The following ITFG1 variants were observed in gnomAD, a reference collection of about 807,000 sequenced individuals.
ITFG1 encodes the protein T-cell immunomodulatory protein.
In ITFG1, 34 loss-of-function variants were observed where a neutral mutation model predicts 81.8. That is an observed-to-expected ratio of 0.42 (90% CI 0.32 to 0.55). ITFG1 has a LOEUF of 0.55. Among genes scored for constraint, ITFG1 ranks in the 20% least tolerant of loss-of-function variants. ITFG1 has a pLI of 0.17. For missense variants in ITFG1, 672 were observed against 755.4 expected (o/e 0.89, Z 1.29); for synonymous variants, 285 against 270.6 (o/e 1.05, Z -0.52).
At chr16:47,197,987 T>A (rs1054278719) in intron 14 of ITFG1, among the ~76,000 whole-genome samples, 1 of 152,264 alleles carries the variant, frequency 6.6e-6, no homozygotes, top group Non-Finnish European at 1.5e-5. Context: ...CTCTGTAGTA[T>A]AATTTCTTTT....
chr16:47,400,486 ACAC>A (rs1433349877), intron 6 of ITFG1, among the ~76,000 whole-genome samples: 3 of 151,040 alleles, frequency 2.0e-5, no homozygotes, highest in Non-Finnish European at 3.0e-5. Flanking sequence ...ACACACACAC[ACAC>A]CACTAGACAC....
At chr16:47,244,591 T>TTGTGCG (rs1965975241) in intron 12 of ITFG1, among the ~76,000 whole-genome samples, 2 of 118,146 alleles carry the variant, frequency 1.7e-5, no homozygotes, top group African/African-American at 6.5e-5. Flanking sequence ...ATTCCATCTT[T>TTGTGCG]TGTGTGTGTG....
At chr16:47,438,019 C>T (rs1005547512) in intron 5 of ITFG1, among the ~76,000 whole-genome samples, 2 of 152,200 alleles carry the variant, frequency 1.3e-5, no homozygotes, top group African/African-American at 4.8e-5. Flanking sequence ...TAACAAACCG[C>T]ACACCAGGAG....
At chr16:47,208,304 C>T (rs911116737) in intron 14 of ITFG1, among the ~76,000 whole-genome samples, 1 of 152,060 alleles carries the variant, frequency 6.6e-6, no homozygotes, top group African/African-American at 2.4e-5. Context: ...GTGAGGATGA[C>T]AATAATGAAC....
chr16:47,455,400 A>C (rs567591313), intron 2 of ITFG1, among the ~76,000 whole-genome samples: 2 of 152,066 alleles, frequency 1.3e-5, no homozygotes, highest in African/African-American at 4.8e-5. Flanking sequence ...AAAAAAAAAA[A>C]CAAACCAACA....
chr16:47,257,450 A>T (rs1300526943), intron 12 of ITFG1, among the ~76,000 whole-genome samples: 2 of 152,198 alleles, frequency 1.3e-5, no homozygotes, highest in Non-Finnish European at 2.9e-5. Flanking sequence ...TATGACAAAC[A>T]TGGGGGTCAG....
At chr16:47,200,613 A>C (rs1358765111) in intron 14 of ITFG1, among the ~76,000 whole-genome samples, 5 of 152,228 alleles carry the variant, frequency 3.3e-5, no homozygotes, top group African/African-American at 1.2e-4. Flanking sequence ...ATTAAGCTTT[A>C]AACCAGAGAA....
chr16:47,454,747 C>T (rs894726084), intron 2 of ITFG1, among the ~76,000 whole-genome samples: 1 of 151,674 alleles, frequency 6.6e-6, no homozygotes, highest in Non-Finnish European at 1.5e-5. Context: ...TTTTCCTTTT[C>T]ATAGGTATTG....
Position 47,300,279 on chromosome 16 carries a change from T to C in ITFG1, c.1070+10961A>G, listed in dbSNP as rs576403911. On this transcript the variant is annotated intron_variant, in intron 10 of 17. Coordinates refer to ENST00000320640, the MANE Select transcript of ITFG1 (RefSeq NM_030790.5). ...CTGTTGACTTCCTCATGTTCCTTCT[T>C]GGAAAATCTATTCTAACTGTAATTG... 2.6e-5 allele frequency among the ~76,000 whole-genome samples: 4 copies of C among 152,358 alleles called. No individual in the cohort carries two copies. The South Asian group carries it at 8.3e-4, about 32-fold the overall frequency.
intron 13 of ITFG1, among the ~76,000 whole-genome samples, chr16:47,233,006 T>G (rs1164064238): frequency 1.3e-5 from 2 of 151,956 alleles, no homozygotes; most frequent in Non-Finnish European, 2.9e-5. Flanking sequence ...GTTAAAAAAA[T>G]CAAGATAAAG....
intron 8 of ITFG1, among the ~76,000 whole-genome samples, chr16:47,348,685 A>T (rs1967898994): frequency 6.6e-6 from 1 of 152,198 alleles, no homozygotes; most frequent in Non-Finnish European, 1.5e-5. Flanking sequence ...GCAGGCCAAC[A>T]TTCAAATTCA....
At position 47,155,712 on chromosome 16, in the gene ITFG1, A is replaced by C. The variant is rs764875987; in HGVS notation, c.*7T>G. On this transcript the variant is annotated 3_prime_UTR_variant, in exon 18 of 18. Coordinates refer to ENST00000320640, the MANE Select transcript of ITFG1 (RefSeq NM_030790.5). ...CAGCCATTCCATTATGTAATATTAA[A>C]GGCAAGTCACATAGCATCAAAATGA... The C allele has an allele frequency of 6.3e-7, 1 of 1,598,786 alleles. No homozygotes were observed. Among genetic ancestry groups the C allele is most frequent in the South Asian group, 1.1e-5 (1 of 89,112 alleles).
At chr16:47,270,130 G>A (rs554458361) in intron 10 of ITFG1, among the ~76,000 whole-genome samples, 1 of 152,138 alleles carries the variant, frequency 6.6e-6, no homozygotes, top group African/African-American at 2.4e-5. Context: ...TCAATTTCTA[G>A]GGCAAAACAT....
At chr16:47,189,340 C>T (rs1965264691) in intron 14 of ITFG1, among the ~76,000 whole-genome samples, 1 of 152,100 alleles carries the variant, frequency 6.6e-6, no homozygotes, top group Admixed American at 6.6e-5. Flanking sequence ...AAAAAAAACC[C>T]CACACCCAAG....
intron 6 of ITFG1, among the ~76,000 whole-genome samples, chr16:47,412,766 C>T (rs959072633): frequency 9.9e-5 from 15 of 151,208 alleles, no homozygotes; most frequent in Admixed American, 5.3e-4. Context: ...TGAGGAAAGA[C>T]TCCCAGAGCA....
intron 6 of ITFG1, 104 bp downstream of exon 6, chr16:47,428,700 T>C: frequency 1.3e-6 from 1 of 760,534 alleles, no homozygotes; most frequent in Non-Finnish European, 2.2e-6. Context: ...TAAACATTAA[T>C]TTCAACATTT....
At chr16:47,218,606 A>G (rs1965654108) in intron 14 of ITFG1, 1 of 214,032 alleles carries the variant, frequency 4.7e-6, no homozygotes, top group African/African-American at 2.3e-5. Flanking sequence ...ATTTCACCCA[A>G]TCTCTCTGCT....
At position 47,446,662 on chromosome 16, in the gene ITFG1, T is replaced by C. The variant is rs560027191; in HGVS notation, c.560+4734A>G. Among the ~76,000 whole-genome samples the C allele has an allele frequency of 4.6e-5, 7 of 152,242 alleles. 1 individual carries two copies. The East Asian group carries it at 1.4e-3, about 29-fold the overall frequency. On this transcript the variant is annotated intron_variant, in intron 5 of 17. Coordinates refer to ENST00000320640, the MANE Select transcript of ITFG1 (RefSeq NM_030790.5). ...GAACTCAGAGCTTAGGCCTCCAGACTGATAAAAATCAAGTATTTGTAAGGC... is the reference window on the plus strand; with the variant it reads ...GAACTCAGAGCTTAGGCCTCCAGACCGATAAAAATCAAGTATTTGTAAGGC...
chr16:47,316,044 G>A (rs1967352778), intron 8 of ITFG1, among the ~76,000 whole-genome samples: 1 of 152,016 alleles, frequency 6.6e-6, no homozygotes. Flanking sequence ...GCCTGCCCTG[G>A]CCTCCTAAAG....
Sources: gnomAD v4.1 joint callset for allele counts (sites outside exome capture counted in the v4.1 genomes callset) on GRCh38, gnomAD v4.1.1 for gene constraint, MANE v1.5 for transcripts, NCBI Gene and HGNC (gene_info 2026-07-23, HGNC 2026-07-21) for gene names.